FHIT: variants seen among roughly 807,000 people sequenced by gnomAD.
FHIT encodes fragile histidine triad diadenosine triphosphatase, also known as bis(5'-adenosyl)-triphosphatase.
A neutral mutation model predicts 17.9 loss-of-function variants in FHIT; 19 were observed. That is an observed-to-expected ratio of 1.06 (90% CI 0.74 to 1.56). The LOEUF is 1.56. Ranked by LOEUF, FHIT falls within the 40% of genes most tolerant of loss-of-function variation. FHIT has a pLI of 0.00. For missense variants in FHIT, 248 were observed against 189.2 expected (o/e 1.31, Z -1.82); for synonymous variants, 81 against 69.7 (o/e 1.16, Z -0.81).
intron 5 of FHIT, among the ~76,000 whole-genome samples, chr3:60,431,603 G>A (rs545585704): frequency 2.3e-4 from 35 of 152,194 alleles, no homozygotes; most frequent in South Asian, 4.1e-4. Context: ...TACTGGTGAA[G>A]GACGAAGGCT....
At chr3:60,045,738 G>C (rs1203832444) in intron 5 of FHIT, among the ~76,000 whole-genome samples, 1 of 152,150 alleles carries the variant, frequency 6.6e-6, no homozygotes, top group Non-Finnish European at 1.5e-5. Context: ...TTAGGAGGCA[G>C]AACTGAAAAA....
At chr3:59,847,623 T>A (rs1391135902) in intron 8 of FHIT, among the ~76,000 whole-genome samples, 1 of 152,196 alleles carries the variant, frequency 6.6e-6, no homozygotes, top group African/African-American at 2.4e-5. Context: ...CCTTTAATGC[T>A]TAATACGTTC....
intron 4 of FHIT, among the ~76,000 whole-genome samples, chr3:60,567,481 T>G (rs1420904593): frequency 6.6e-6 from 1 of 152,130 alleles, no homozygotes; most frequent in Non-Finnish European, 1.5e-5. Flanking sequence ...ACTTAAATGT[T>G]AGACCTAAAA....
chr3:59,909,430 A>G (rs1353740458), intron 8 of FHIT, among the ~76,000 whole-genome samples: 1 of 151,952 alleles, frequency 6.6e-6, no homozygotes, highest in Non-Finnish European at 1.5e-5. Context: ...CTGGGGTTCA[A>G]GTGATTCTCC....
In FHIT at chr3:60,165,515, C is replaced by T. The variant is rs567807986; in HGVS notation, c.104-151363G>A. Among the ~76,000 whole-genome samples, 631 of 152,238 alleles carry T rather than the reference C, an allele frequency of 4.1e-3. 4 individuals carry two copies. The highest frequency in any genetic ancestry group is 6.4e-3 in the Non-Finnish European group (435 of 68,032). Reference sequence around the variant, plus strand: ...TTGTCATAAGTGATGTTATTTCCAACTTGTTATGGGTGAGCATTATTTAGA... The same window carrying T: ...TTGTCATAAGTGATGTTATTTCCAATTTGTTATGGGTGAGCATTATTTAGA... On this transcript the variant is annotated intron_variant, in intron 5 of 9. Transcript: ENST00000492590.
At chr3:60,702,180 T>C (rs2041264328) in intron 4 of FHIT, among the ~76,000 whole-genome samples, 1 of 152,328 alleles carries the variant, frequency 6.6e-6, no homozygotes, top group South Asian at 2.1e-4. Flanking sequence ...ACACTTTTAC[T>C]GAATATTAAC....
At position 60,469,649 on chromosome 3, in the gene FHIT, G is replaced by A. The variant is rs541834486; in HGVS notation, c.103+67211C>T. 2.5e-3 allele frequency among the ~76,000 whole-genome samples: 376 copies of A among 151,600 alleles called. 1 individual carries two copies. The highest frequency in any genetic ancestry group is 8.5e-3 in the African/African-American group (353 of 41,366). On this transcript the variant is annotated intron_variant, in intron 5 of 9. Transcript: ENST00000492590. ...ATATCTCTCTCTCTCTCCAGGATTG[G>A]CTACAGGTGACTTAGTTTGGTGAGG... is the stretch of plus-strand genomic sequence containing the variant.
intron 7 of FHIT, among the ~76,000 whole-genome samples, chr3:59,942,298 C>G (rs549601192): frequency 2.8e-4 from 42 of 152,290 alleles, no homozygotes; most frequent in Admixed American, 9.2e-4. Flanking sequence ...TCACCCTTAG[C>G]CTTCATCTTT....
chr3:60,066,936 G>A (rs1229132897), intron 5 of FHIT, among the ~76,000 whole-genome samples: 2 of 151,968 alleles, frequency 1.3e-5, no homozygotes, highest in South Asian at 2.1e-4. Flanking sequence ...GAGCCACTGC[G>A]CCTGACAGAC....
At chr3:60,244,793 A>G (rs1312834917) in intron 5 of FHIT, among the ~76,000 whole-genome samples, 1 of 152,128 alleles carries the variant, frequency 6.6e-6, no homozygotes, top group African/African-American at 2.4e-5. Context: ...TTTTAAAGCA[A>G]AAGATCTTAC....
At chr3:60,190,838 G>C (rs1363177394) in intron 5 of FHIT, among the ~76,000 whole-genome samples, 1 of 151,998 alleles carries the variant, frequency 6.6e-6, no homozygotes, top group Non-Finnish European at 1.5e-5. Context: ...AGCTACTTGG[G>C]GAACTGAGGC....
intron 2 of FHIT, among the ~76,000 whole-genome samples, chr3:61,087,325 G>A (rs187294989): frequency 3.2e-4 from 48 of 152,030 alleles, no homozygotes; most frequent in Non-Finnish European, 5.3e-4. Flanking sequence ...AACACCTTTG[G>A]GGACCACTTT....
At chr3:60,912,665 T>C in intron 3 of FHIT, 1 of 450,870 alleles carries the variant, frequency 2.2e-6, no homozygotes, top group Non-Finnish European at 4.3e-6. Flanking sequence ...TAACTCTAGA[T>C]ATTCACTAGC....
intron 5 of FHIT, among the ~76,000 whole-genome samples, chr3:60,026,078 G>A (rs900654746): frequency 2.5e-4 from 38 of 152,104 alleles, no homozygotes; most frequent in Admixed American, 6.5e-5. Context: ...AAAATCAACT[G>A]CCAATCACAG....
intron 3 of FHIT, among the ~76,000 whole-genome samples, chr3:60,935,263 A>G (rs1165417290): frequency 2.6e-5 from 4 of 152,216 alleles, no homozygotes. Context: ...AACAAGATAA[A>G]TCATTCTCAT....
At chr3:59,990,064 T>C (rs1559527966) in intron 7 of FHIT, among the ~76,000 whole-genome samples, 1 of 152,108 alleles carries the variant, frequency 6.6e-6, no homozygotes, top group Non-Finnish European at 1.5e-5. Context: ...ATGAAGCCTT[T>C]TTGTATCTGG....
intron 5 of FHIT, among the ~76,000 whole-genome samples, chr3:60,370,242 C>A (rs992534052): frequency 3.3e-5 from 5 of 152,052 alleles, no homozygotes; most frequent in African/African-American, 9.7e-5. Context: ...TTTTATGAAG[C>A]CCAATTCAGT....
At chr3:60,708,660 T>C (rs1355338133) in intron 4 of FHIT, among the ~76,000 whole-genome samples, 1 of 152,264 alleles carries the variant, frequency 6.6e-6, no homozygotes, top group Non-Finnish European at 1.5e-5. Context: ...AAAATTAAAA[T>C]TCCAGACTTT....
chr3:59,862,225 T>C (rs1358384497), intron 8 of FHIT, among the ~76,000 whole-genome samples: 3 of 152,208 alleles, frequency 2.0e-5, no homozygotes, highest in Non-Finnish European at 2.9e-5. Context: ...AGGCACATCT[T>C]ACATGGTGGC....
Sources: gnomAD v4.1 joint callset for allele counts (sites outside exome capture counted in the v4.1 genomes callset) on GRCh38, gnomAD v4.1.1 for gene constraint, MANE v1.5 for transcripts, NCBI Gene and HGNC (gene_info 2026-07-23, HGNC 2026-07-21) for gene names.